SEMA6C: variants seen among roughly 807,000 people sequenced by gnomAD.
SEMA6C encodes the protein semaphorin 6C, also known as semaphorin-6C.
In SEMA6C, 37 loss-of-function variants were observed where a neutral mutation model predicts 72.9. The ratio of observed to expected loss-of-function variants is 0.51; its 90% CI spans 0.39 to 0.67. SEMA6C has a LOEUF of 0.67. Ranked by LOEUF, SEMA6C falls within the 30% of genes least tolerant of loss-of-function variation. The pLI is 0.00. For missense variants in SEMA6C, 1,189 were observed against 1,263.6 expected, an observed-to-expected ratio of 0.94 and a Z score of 0.89; for synonymous variants, 578 against 554.1, an observed-to-expected ratio of 1.04 and a Z score of -0.61.
At chr1:151,135,801 G>T in intron 13 of SEMA6C, 37 bp from the exon 14 acceptor site, 1 of 1,605,466 alleles carries the variant, frequency 6.2e-7, no homozygotes, top group Non-Finnish European at 8.5e-7. Context: ...AACCTGTCTA[G>T]TGGAAACCTG....
Position 151,139,681 on chromosome 1 carries a change from T to C in SEMA6C, c.254A>G (p.Asp85Gly). 1.2e-6 allele frequency: 2 copies of C among 1,605,430 alleles called. No homozygotes were observed. Among genetic ancestry groups the C allele is most frequent in the South Asian group, 1.1e-5 (1 of 90,308 alleles). ...VAARDHVFSFDLQAEEEGEGL... is the reference protein window; with the variant it reads ...VAARDHVFSFGLQAEEEGEGL... ...CTCCCCTTCTTCTTCGGCTTGAAGATCGAAGGAGAAAACGTGATCCCTGAG... is the reference window on the plus strand; with the variant it reads ...CTCCCCTTCTTCTTCGGCTTGAAGACCGAAGGAGAAAACGTGATCCCTGAG... The change falls in exon 5 of 19, where the codon GAT becomes GGT. Residue 85 changes from aspartate to glycine, a missense_variant. Transcript: ENST00000368914.
At chr1:151,138,460 C>G (rs1305704995) in intron 7 of SEMA6C, 54 bp from the exon 8 acceptor site, 3 of 1,548,540 alleles carry the variant, frequency 1.9e-6, no homozygotes, top group African/African-American at 2.7e-5. Flanking sequence ...GAGTCTGGCT[C>G]CATAGCCTAT....
chr1:151,137,137 G>C, intron 10 of SEMA6C, 63 bp from the exon 11 acceptor site: 1 of 1,452,322 alleles, frequency 6.9e-7, no homozygotes, highest in Non-Finnish European at 9.6e-7. Flanking sequence ...TGCATGCAAG[G>C]AGTGTGGTGA....
chr1:151,135,579 C>T lies in SEMA6C; in HGVS notation c.1433+12G>A, dbSNP rs587613667. 2 of 1,607,552 alleles carry T rather than the reference C, an allele frequency of 1.2e-6. No individual in the cohort carries two copies. Among genetic ancestry groups the T allele is most frequent in the African/African-American group, 2.7e-5 (2 of 74,908 alleles). On this transcript the variant is annotated intron_variant, in intron 14 of 18. Coordinates refer to ENST00000368914, the MANE Select transcript of SEMA6C (RefSeq NM_030913.6). Reference sequence around the variant, plus strand: ...CCTGCTTTGCAGGGGGCCTGCCCTCCAAAGGCCTCACCGGGCAGGGCTGTA... The same window carrying T: ...CCTGCTTTGCAGGGGGCCTGCCCTCTAAAGGCCTCACCGGGCAGGGCTGTA...
Position 151,132,317 on chromosome 1 carries a change from G to C in SEMA6C, c.*167C>G, listed in dbSNP as rs1384860847. 7 of 1,540,234 alleles carry C rather than the reference G, an allele frequency of 4.5e-6. No individual in the cohort carries two copies. Among genetic ancestry groups the C allele is most frequent in the Middle Eastern group, 1.7e-4 (1 of 5,928 alleles). On this transcript the variant is annotated 3_prime_UTR_variant, in exon 19 of 19. Coordinates refer to ENST00000368914, the MANE Select transcript of SEMA6C (RefSeq NM_030913.6). ...CTCTTCTGTCGAGGACAGGGGGAAA[G>C]ACAGTCAATAAATAAACCCGAGGCG...
At chr1:151,134,712 G>C in intron 16 of SEMA6C, 37 bp from the exon 17 acceptor site, 1 of 1,612,934 alleles carries the variant, frequency 6.2e-7, no homozygotes, top group African/African-American at 1.3e-5. Context: ...AATTCTGTAC[G>C]TTGTCCGTAT....
intron 2 of SEMA6C, among the ~76,000 whole-genome samples, chr1:151,144,007 G>A (rs587610853): frequency 1.9e-4 from 29 of 152,020 alleles, no homozygotes; most frequent in African/African-American, 6.0e-4. Context: ...GGAGGCTGAC[G>A]TCAGGTGGGG....
At position 151,133,646 on chromosome 1, in the gene SEMA6C, A is replaced by G. The variant is rs1681771063; in HGVS notation, c.1760-129T>C. 1 of 1,384,934 alleles carries G rather than the reference A, an allele frequency of 7.2e-7. No individual in the cohort carries two copies. The highest frequency in any genetic ancestry group is 2.6e-5 in the East Asian group (1 of 39,068). 85.8% of individuals were successfully genotyped at this position (1,384,934 alleles called of 1,614,324 possible). A position where few individuals can be genotyped will look rare whatever the true frequency, so the allele number is the denominator to read the frequency against. On this transcript the variant is annotated intron_variant, in intron 18 of 18. Coordinates refer to ENST00000368914, the MANE Select transcript of SEMA6C (RefSeq NM_030913.6). The surrounding 1 kb of genome is among the most constrained non-coding windows in gnomAD (Gnocchi z 5.9). Reference sequence around the variant, plus strand: ...CCCGCTGCTACTCAGCCTCACTCCTACAGCCTCCACCATCCTCAGGATTCA... The same window carrying G: ...CCCGCTGCTACTCAGCCTCACTCCTGCAGCCTCCACCATCCTCAGGATTCA...
At chr1:151,143,009 C>T (rs905866151) in intron 2 of SEMA6C, among the ~76,000 whole-genome samples, 5 of 152,156 alleles carry the variant, frequency 3.3e-5, no homozygotes, top group Non-Finnish European at 5.9e-5. Context: ...TCTTGCTAAC[C>T]CCTTCTCAGC....
In SEMA6C at chr1:151,146,107, A is replaced by C. The variant is rs919605347; in HGVS notation, c.-105+326T>G. The C allele has an allele frequency of 6.6e-6, 1 of 152,318 alleles. No homozygotes were observed. Among genetic ancestry groups the C allele is most frequent in the Non-Finnish European group, 1.5e-5 (1 of 68,040 alleles). The allele number at this position is 152,318 out of a possible 1,614,324, so 9.4% of individuals were successfully genotyped here. A position where few individuals can be genotyped will look rare whatever the true frequency, so the allele number is the denominator to read the frequency against. Reference sequence around the variant, plus strand: ...GCCCTAGTTTCCTTGCTGGGAAAGCAAGGGGCCAGGTTTTCCACGCTCTCT... The same window carrying C: ...GCCCTAGTTTCCTTGCTGGGAAAGCCAGGGGCCAGGTTTTCCACGCTCTCT... On this transcript the variant is annotated intron_variant, in intron 1 of 18. Coordinates refer to ENST00000368914, the MANE Select transcript of SEMA6C (RefSeq NM_030913.6). The surrounding 1 kb of genome is among the most constrained non-coding windows in gnomAD (Gnocchi z 4.6).
intron 3 of SEMA6C, among the ~76,000 whole-genome samples, chr1:151,140,800 C>A (rs755677732): frequency 1.1e-4 from 16 of 152,194 alleles, no homozygotes; most frequent in Non-Finnish European, 2.1e-4. Flanking sequence ...CGAGACCATC[C>A]TGGCTAACAT....
Position 151,135,193 on chromosome 1 carries a change from C to T in SEMA6C, c.1550G>A (p.Ser517Asn), listed in dbSNP as rs1681916969. ...ACAGGCCCCATGCCGGGCACACCGGCTGAGAGGGAGGTAGACAATACAGCC... is the reference window on the plus strand; with the variant it reads ...ACAGGCCCCATGCCGGGCACACCGGTTGAGAGGGAGGTAGACAATACAGCC... The part of the protein sequence containing the change: ...FSGCIVYLPL[S>N]RCARHGACQR... Residue 517 changes from serine (S) to asparagine (N), a missense_variant, in exon 15 of 19, where the codon AGC (serine) becomes AAC (asparagine). Ser to Asn is a conservative substitution (Grantham distance 46, BLOSUM62 1). Coordinates refer to ENST00000368914, the MANE Select transcript of SEMA6C (RefSeq NM_030913.6). 6.2e-7 allele frequency: 1 copy of T among 1,614,008 alleles called. No individual in the cohort carries two copies. Among genetic ancestry groups the T allele is most frequent in the African/African-American group, 1.3e-5 (1 of 74,926 alleles).
chr1:151,132,501 C>T lies in SEMA6C; in HGVS notation c.2776G>A (p.Gly926Ser), dbSNP rs778438617. ...PSSRQAVPNG[G>S]RFNF Reference sequence around the variant, plus strand: ...CGCTCCCTTTAAAAGTTGAAACGGCCGCCGTTCGGGACGGCCTGGCGGGAG... The same window carrying T: ...CGCTCCCTTTAAAAGTTGAAACGGCTGCCGTTCGGGACGGCCTGGCGGGAG... The change falls in exon 19 of 19, where the codon GGC becomes AGC. Residue 926 changes from glycine (G) to serine (S), a missense_variant. This residue lies in a region of SEMA6C where 721 missense variants were observed against 686.2 expected (regional missense o/e 1.05). Coordinates refer to ENST00000368914, the MANE Select transcript of SEMA6C (RefSeq NM_030913.6). 5 of 1,549,014 alleles carry T rather than the reference C, an allele frequency of 3.2e-6. No homozygotes were observed. The highest frequency in any genetic ancestry group is 3.9e-5 in the Admixed American group (2 of 50,752).
Position 151,132,621 on chromosome 1 carries a change from G to A in SEMA6C, c.2656C>T (p.Leu886=), listed in dbSNP as rs773302268. 4.3e-5 allele frequency: 66 copies of A among 1,550,876 alleles called. No homozygotes were observed. The highest frequency in any genetic ancestry group is 5.4e-5 in the Non-Finnish European group (62 of 1,147,088). Residue 886 remains leucine (L), a synonymous_variant, in exon 19 of 19, where the codon CTG becomes TTG. Coordinates refer to ENST00000368914, the MANE Select transcript of SEMA6C (RefSeq NM_030913.6). The part of the protein sequence containing the change: ...SGGPGKHLLY[L]GRPEGYRGRA... ...CCCCGGTAGCCCTCGGGCCGGCCCAGGTACAGGAGGTGCTTCCCGGGACCC... is the reference window on the plus strand; with the variant it reads ...CCCCGGTAGCCCTCGGGCCGGCCCAAGTACAGGAGGTGCTTCCCGGGACCC...
Position 151,133,648 on chromosome 1 carries a change from A to C in SEMA6C, c.1760-131T>G. 7.2e-7 allele frequency: 1 copy of C among 1,379,880 alleles called. No individual in the cohort carries two copies. Among genetic ancestry groups the C allele is most frequent in the Non-Finnish European group, 9.5e-7 (1 of 1,048,152 alleles). The allele number at this position is 1,379,880 out of a possible 1,614,324, so 85.5% of individuals were successfully genotyped here. A position where few individuals can be genotyped will look rare whatever the true frequency, so the allele number is the denominator to read the frequency against. ...CGCTGCTACTCAGCCTCACTCCTAC[A>C]GCCTCCACCATCCTCAGGATTCACC... is the stretch of plus-strand genomic sequence containing the variant. On this transcript the variant is annotated intron_variant, in intron 18 of 18. Coordinates refer to ENST00000368914, the MANE Select transcript of SEMA6C (RefSeq NM_030913.6). The surrounding 1 kb of genome is among the most constrained non-coding windows in gnomAD (Gnocchi z 5.9).
At chr1:151,138,945 T>C (rs1303660150) in intron 6 of SEMA6C, among the ~76,000 whole-genome samples, 1 of 151,934 alleles carries the variant, frequency 6.6e-6, no homozygotes, top group East Asian at 1.9e-4. Context: ...TACAAAAAAT[T>C]AGCTGGGTGT....
In SEMA6C at chr1:151,132,320, A is replaced by G; in HGVS notation, c.*164T>C. The G allele has an allele frequency of 6.5e-7, 1 of 1,540,430 alleles. No homozygotes were observed. Among genetic ancestry groups the G allele is most frequent in the Non-Finnish European group, 8.7e-7 (1 of 1,145,716 alleles). On this transcript the variant is annotated 3_prime_UTR_variant, in exon 19 of 19. Transcript: ENST00000368914. ...TTCTGTCGAGGACAGGGGGAAAGAC[A>G]GTCAATAAATAAACCCGAGGCGAAA...
At chr1:151,143,803 G>A (rs6674970) in intron 2 of SEMA6C, among the ~76,000 whole-genome samples, 89,444 of 151,902 alleles carry the variant, frequency 0.59, 29,256 homozygotes, top group East Asian at 0.84. Flanking sequence ...CAAAAATCAG[G>A]TCAAGAAGGG....
chr1:151,136,981 G>A lies in SEMA6C; in HGVS notation c.850C>T (p.Arg284Trp), dbSNP rs1176900236. 4.3e-6 allele frequency: 7 copies of A among 1,614,070 alleles called. No individual in the cohort carries two copies. Among genetic ancestry groups the A allele is most frequent in the East Asian group, 2.2e-5 (1 of 44,890 alleles). Residue 284 changes from arginine (R) to tryptophan (W), a missense_variant, in exon 11 of 19, where the codon CGG becomes TGG. Around this residue, in one of 2 missense-constraint regions of SEMA6C, gnomAD observed 468 missense variants for 577.4 expected, o/e 0.81. Coordinates refer to ENST00000368914, the MANE Select transcript of SEMA6C (RefSeq NM_030913.6). ...DRHWTSFLKL[R>W]LNCSVPGDST... ...TCCCCAGGGACAGAGCAGTTGAGCC[G>A]AAGCTTCAGGAAGGATGTCCAGTGG...
Sources: gnomAD v4.1 joint callset for allele counts (sites outside exome capture counted in the v4.1 genomes callset) on GRCh38, gnomAD v4.1.1 for gene constraint, gnomAD v4.1.1 regional missense constraint, Gnocchi (gnomAD v3.1) non-coding constraint, MANE v1.5 for transcripts, NCBI Gene and HGNC (gene_info 2026-07-23, HGNC 2026-07-21) for gene names.